Variants in SLC24A2 observed in about 807,000 individuals in gnomAD.
SLC24A2 encodes the protein solute carrier family 24 member 2.
SLC24A2 carries 36 observed loss-of-function variants against 62.0 expected under a neutral mutation model. The ratio of observed to expected loss-of-function variants is 0.58; its 90% CI spans 0.44 to 0.77. The LOEUF is 0.77. SLC24A2 is among the 30% of genes least tolerant of loss of function. The pLI is 0.00. For synonymous variants in SLC24A2, 358 were observed against 294.0 expected (o/e 1.22, Z -2.23); for missense variants, 846 against 817.9 (o/e 1.03, Z -0.42).
the SLC24A2 span, among the ~76,000 whole-genome samples, chr9:20,127,566 T>C: frequency 2.6e-5 from 4 of 152,158 alleles, no homozygotes; most frequent in Admixed American, 2.6e-4. Flanking sequence ...GACCTCTCTG[T>C]GAGTCTGTTT....
At chr9:19,641,601 G>A (rs113789951) in intron 2 of SLC24A2, among the ~76,000 whole-genome samples, 4,473 of 149,946 alleles carry the variant, frequency 0.03, 65 homozygotes, top group Middle Eastern at 0.068. Context: ...TGCAACCTCC[G>A]CCTCCTGGGT....
chr9:20,164,707 C>T, the SLC24A2 span, among the ~76,000 whole-genome samples: 2 of 151,914 alleles, frequency 1.3e-5, no homozygotes, highest in Admixed American at 6.6e-5. Flanking sequence ...TGGCACTATT[C>T]ACAATAGCAA....
the SLC24A2 span, among the ~76,000 whole-genome samples, chr9:20,198,625 T>G: frequency 6.6e-6 from 1 of 152,026 alleles, no homozygotes; most frequent in East Asian, 1.9e-4. Flanking sequence ...GAGAGGCAAT[T>G]TGTGGAACAC....
the SLC24A2 span, among the ~76,000 whole-genome samples, chr9:20,135,324 C>G: frequency 1.7e-5 from 2 of 117,758 alleles, no homozygotes; most frequent in East Asian, 4.4e-4. Context: ...TTTTTAATTA[C>G]AATTTAAAAT....
chr9:19,598,554 C>G (rs556817164), intron 4 of SLC24A2, among the ~76,000 whole-genome samples: 9 of 152,112 alleles, frequency 5.9e-5, no homozygotes, highest in African/African-American at 2.2e-4. Flanking sequence ...GCTGCCTATT[C>G]TGGACACATT....
chr9:20,279,506 G>A, the SLC24A2 span, among the ~76,000 whole-genome samples: 3 of 152,130 alleles, frequency 2.0e-5, no homozygotes, highest in Admixed American at 6.5e-5. Context: ...ACTCCAGCCC[G>A]AGCAACAAGA....
chr9:20,112,304 G>A, the SLC24A2 span, among the ~76,000 whole-genome samples: 3 of 152,174 alleles, frequency 2.0e-5, no homozygotes, highest in South Asian at 2.1e-4. Flanking sequence ...AAGCAAGGCC[G>A]AATCTGCAGG....
upstream of SLC24A2, among the ~76,000 whole-genome samples, chr9:19,791,077 T>C (rs1460763939): frequency 2.6e-5 from 4 of 152,206 alleles, no homozygotes; most frequent in Non-Finnish European, 5.9e-5. Flanking sequence ...AAGAATTTAT[T>C]TTTCTCATGG....
chr9:19,534,732 G>A (rs12006241), intron 8 of SLC24A2, among the ~76,000 whole-genome samples: 6,780 of 152,112 alleles, frequency 0.045, 487 homozygotes, highest in African/African-American at 0.15. Flanking sequence ...TGTATATGTG[G>A]CACATTTTCT....
chr9:20,232,832 A>G, the SLC24A2 span, among the ~76,000 whole-genome samples: 1 of 151,926 alleles, frequency 6.6e-6, no homozygotes, highest in African/African-American at 2.4e-5. Flanking sequence ...TGTCAATTTT[A>G]GATCTTTCCT....
chr9:20,290,243 C>T, the SLC24A2 span, among the ~76,000 whole-genome samples: 1 of 152,152 alleles, frequency 6.6e-6, no homozygotes, highest in Admixed American at 6.5e-5. Context: ...GTAGAAAACC[C>T]GATTTAATAC....
the SLC24A2 span, among the ~76,000 whole-genome samples, chr9:20,224,835 T>C: frequency 1.3e-5 from 2 of 152,082 alleles, no homozygotes; most frequent in African/African-American, 4.8e-5. Context: ...CTGTATTAGC[T>C]GCTAACTGCT....
the SLC24A2 span, among the ~76,000 whole-genome samples, chr9:20,194,872 C>T: frequency 1.3e-5 from 2 of 152,068 alleles, no homozygotes; most frequent in Non-Finnish European, 2.9e-5. Flanking sequence ...TGCACACACA[C>T]ACTACATCTT....
At chr9:19,644,534 G>C (rs944002350) in intron 2 of SLC24A2, among the ~76,000 whole-genome samples, 1 of 152,168 alleles carries the variant, frequency 6.6e-6, no homozygotes, top group Non-Finnish European at 1.5e-5. Flanking sequence ...GATTGTAAGT[G>C]AACAAGCTGA....
chr9:20,219,746 G>T, the SLC24A2 span, among the ~76,000 whole-genome samples: 1 of 152,146 alleles, frequency 6.6e-6, no homozygotes, highest in African/African-American at 2.4e-5. Flanking sequence ...AAGAAATATT[G>T]AGAGTCCAAG....
chr9:19,945,415 G>A, the SLC24A2 span, among the ~76,000 whole-genome samples: 13 of 152,256 alleles, frequency 8.5e-5, no homozygotes, highest in East Asian at 2.5e-3. Context: ...CAATTACCCA[G>A]TTCCTGCAGC....
chr9:19,915,958 A>C, the SLC24A2 span, among the ~76,000 whole-genome samples: 64,098 of 151,820 alleles, frequency 0.42, 13,949 homozygotes, highest in Middle Eastern at 0.6. Flanking sequence ...TTGATGTCAT[A>C]TTTTAAAAAC....
the SLC24A2 span, among the ~76,000 whole-genome samples, chr9:19,816,851 C>T: frequency 3.3e-5 from 5 of 151,960 alleles, no homozygotes; most frequent in Admixed American, 2.6e-4. Flanking sequence ...ATGATCCAAT[C>T]ACCTCCTACA....
intron 2 of SLC24A2, among the ~76,000 whole-genome samples, chr9:19,642,521 C>G (rs10811220): frequency 0.5 from 75,364 of 151,908 alleles, 19,080 homozygotes; most frequent in East Asian, 0.73. Flanking sequence ...ATACTGTACA[C>G]TCCTCTGAGA....
Sources: gnomAD v4.1 joint callset for allele counts (sites outside exome capture counted in the v4.1 genomes callset) on GRCh38, gnomAD v4.1.1 for gene constraint, MANE v1.5 for transcripts, NCBI Gene and HGNC (gene_info 2026-07-23, HGNC 2026-07-21) for gene names.